MYO3B: variants seen among roughly 807,000 people sequenced by gnomAD.
MYO3B encodes the protein myosin-IIIb.
A neutral mutation model predicts 174.6 loss-of-function variants in MYO3B; 156 were observed. That is an observed-to-expected ratio of 0.89 (90% CI 0.78 to 1.02). MYO3B has a LOEUF of 1.02. Ranked by LOEUF, MYO3B falls within the 50% of genes least tolerant of loss-of-function variation. MYO3B has a pLI of 0.00. For missense variants in MYO3B, 1,632 were observed against 1,639.4 expected (o/e 1.00, Z 0.08); for synonymous variants, 563 against 569.1 (o/e 0.99, Z 0.15).
At chr2:170,641,873 AG>A in intron 32 of MYO3B, among the ~76,000 whole-genome samples, 1 of 18,354 alleles carries the variant, frequency 5.4e-5, no homozygotes, top group African/African-American at 3.6e-4. Context: ...GGGGGGGGGG[AG>A]GGGCGGGGAG....
At chr2:170,248,179 A>G (rs1404534563) in intron 7 of MYO3B, among the ~76,000 whole-genome samples, 1 of 152,066 alleles carries the variant, frequency 6.6e-6, no homozygotes, top group Non-Finnish European at 1.5e-5. Flanking sequence ...GTCCACACTT[A>G]TCTCTGATGA....
intron 9 of MYO3B, among the ~76,000 whole-genome samples, chr2:170,372,744 G>A (rs2094258214): frequency 6.6e-6 from 1 of 152,154 alleles, no homozygotes; most frequent in African/African-American, 2.4e-5. Flanking sequence ...TCTGGGGTTG[G>A]GATGGTAGGG....
chr2:170,230,310 C>T (rs1445949257), intron 6 of MYO3B, among the ~76,000 whole-genome samples: 1 of 140,186 alleles, frequency 7.1e-6, no homozygotes, highest in Non-Finnish European at 1.5e-5. Flanking sequence ...GCTGGGATCA[C>T]AGGCATGTGC....
Position 170,521,502 on chromosome 2 carries a change from A to T in MYO3B, c.3575+1962A>T, listed in dbSNP as rs977759654. On this transcript the variant is annotated intron_variant, in intron 30 of 34. Transcript: ENST00000408978. ...CTGACTTTACTGAGAACACCAGGAC[A>T]GTGCTCTGAGCTCTTCCACCGCCCT... 9.2e-5 allele frequency among the ~76,000 whole-genome samples: 14 copies of T among 152,274 alleles called. No homozygotes were observed. In the East Asian group the frequency reaches 2.7e-3, roughly 29 times the overall value.
At chr2:170,427,856 C>G (rs2094677229) in intron 22 of MYO3B, among the ~76,000 whole-genome samples, 1 of 151,802 alleles carries the variant, frequency 6.6e-6, no homozygotes, top group African/African-American at 2.4e-5. Flanking sequence ...TTTCAGAGAC[C>G]CAATAGGAAA....
Position 170,334,191 on chromosome 2 carries a change from T to G in MYO3B, c.750-1194T>G, listed in dbSNP as rs1192990110. On this transcript the variant is annotated intron_variant, in intron 7 of 34. Transcript: ENST00000408978. ...ATGTCTCCCCTCTTTTAAGGAGACT[T>G]TCTGGAAATACCATATAATACTTCT... The G allele has an allele frequency of 3.3e-5, 5 of 152,194 alleles. No homozygotes were observed. In the East Asian group the frequency reaches 9.6e-4, roughly 29 times the overall value. 9.4% of individuals were successfully genotyped at this position (152,194 alleles called of 1,614,324 possible). A position where few individuals can be genotyped will look rare whatever the true frequency, so the allele number is the denominator to read the frequency against.
intron 7 of MYO3B, among the ~76,000 whole-genome samples, chr2:170,329,881 C>T (rs1400327616): frequency 6.6e-6 from 1 of 152,152 alleles, no homozygotes; most frequent in Non-Finnish European, 1.5e-5. Flanking sequence ...TGGGATTTAC[C>T]AATTGTAATC....
intron 7 of MYO3B, among the ~76,000 whole-genome samples, chr2:170,303,219 GTCTATGTATCTACA>G (rs1229444705): frequency 6.6e-6 from 1 of 152,038 alleles, no homozygotes; most frequent in East Asian, 1.9e-4. Flanking sequence ...TATAATAAAT[GTCTATGTATCTACA>G]TCTTTGCTGT....
At chr2:170,361,554 C>T (rs553413098) in intron 8 of MYO3B, among the ~76,000 whole-genome samples, 1 of 152,316 alleles carries the variant, frequency 6.6e-6, no homozygotes, top group South Asian at 2.1e-4. Flanking sequence ...TGCCGTAGGA[C>T]AGTTTGAAAG....
At chr2:170,414,833 A>T (rs944711917) in intron 22 of MYO3B, among the ~76,000 whole-genome samples, 2 of 152,202 alleles carry the variant, frequency 1.3e-5, no homozygotes. Flanking sequence ...AGTTTATAGA[A>T]CTAGTATAAA....
chr2:170,195,780 A>G (rs995459191), intron 1 of MYO3B, among the ~76,000 whole-genome samples: 7 of 152,110 alleles, frequency 4.6e-5, no homozygotes, highest in Admixed American at 3.9e-4. Context: ...TCCCCCTCCC[A>G]TAAGGAGTTT....
intron 32 of MYO3B, among the ~76,000 whole-genome samples, chr2:170,635,914 T>G (rs148013638): frequency 2.4e-4 from 37 of 152,294 alleles, no homozygotes; most frequent in African/African-American, 8.4e-4. Flanking sequence ...CTTGTACAAA[T>G]TACCTTAGAA....
At chr2:170,447,820 G>A (rs1451175993) in intron 23 of MYO3B, among the ~76,000 whole-genome samples, 3 of 152,194 alleles carry the variant, frequency 2.0e-5, no homozygotes, top group Admixed American at 2.0e-4. Context: ...TGGTAGGTAG[G>A]GGGCAAGTCA....
At position 170,641,861 on chromosome 2, in the gene MYO3B, G is replaced by A. The variant is rs1195973413; in HGVS notation, c.3734-9767G>A. On this transcript the variant is annotated intron_variant, in intron 32 of 34. Transcript: ENST00000408978. ...TATTTATGACTTTATTGTTAAGTGG[G>A]GGGGGGGGGGGAGGGGCGGGGAGCC... 3.8e-5 allele frequency among the ~76,000 whole-genome samples: 3 copies of A among 78,338 alleles called. No homozygotes were observed. In the South Asian group the frequency reaches 1.5e-3, roughly 38 times the overall value. 51.4% of individuals were successfully genotyped at this position (78,338 alleles called of 152,430 possible).
At chr2:170,465,071 C>CT (rs1157013422) in intron 24 of MYO3B, among the ~76,000 whole-genome samples, 8 of 151,554 alleles carry the variant, frequency 5.3e-5, no homozygotes, top group Non-Finnish European at 1.2e-4. Flanking sequence ...TGAGGCTTCA[C>CT]CATGTTGGCC....
chr2:170,341,821 C>T (rs372671475), intron 8 of MYO3B, among the ~76,000 whole-genome samples: 35 of 152,232 alleles, frequency 2.3e-4, no homozygotes, highest in Admixed American at 2.0e-3. Context: ...CCCTGAAGAG[C>T]GTCTAATTTA....
At chr2:170,606,749 G>C (rs541660686) in intron 32 of MYO3B, among the ~76,000 whole-genome samples, 2 of 152,268 alleles carry the variant, frequency 1.3e-5, no homozygotes, top group African/African-American at 4.8e-5. Context: ...GGCCGGGCAC[G>C]GTGGCTCACA....
chr2:170,567,793 A>G (rs950662569), intron 32 of MYO3B, among the ~76,000 whole-genome samples: 4 of 152,338 alleles, frequency 2.6e-5, no homozygotes, highest in Admixed American at 6.5e-5. Flanking sequence ...TAGTCTTGAC[A>G]CAGACCCAAA....
chr2:170,564,907 C>G (rs147524687), intron 32 of MYO3B, among the ~76,000 whole-genome samples: 3 of 152,060 alleles, frequency 2.0e-5, no homozygotes, highest in African/African-American at 7.3e-5. Flanking sequence ...CATAAGGTCT[C>G]TCTTTTAATA....
Sources: gnomAD v4.1 joint callset for allele counts (sites outside exome capture counted in the v4.1 genomes callset) on GRCh38, gnomAD v4.1.1 for gene constraint, MANE v1.5 for transcripts, NCBI Gene and HGNC (gene_info 2026-07-23, HGNC 2026-07-21) for gene names.